RBFOX1: variants seen among roughly 807,000 people sequenced by gnomAD.
RBFOX1 encodes RNA binding fox-1 homolog 1.
RBFOX1 carries 8 observed loss-of-function variants against 57.7 expected under a neutral mutation model. That is an observed-to-expected ratio of 0.14 (90% CI 0.08 to 0.25). The LOEUF (loss-of-function observed/expected upper bound fraction) is 0.25, where lower values mean the gene tolerates loss of function less well. RBFOX1 is among the 10% of genes least tolerant of loss of function. The pLI, the probability that RBFOX1 is intolerant of heterozygous loss-of-function variation, is 1.00. For synonymous variants in RBFOX1, 326 were observed against 222.4 expected (o/e 1.47, Z -4.15); for missense variants, 611 against 548.5 (o/e 1.11, Z -1.14).
At chr16:6,091,466 G>A (rs1340175999) in intron 1 of RBFOX1, among the ~76,000 whole-genome samples, 1 of 152,066 alleles carries the variant, frequency 6.6e-6, no homozygotes, top group East Asian at 1.9e-4. Context: ...AGGGTGAGCG[G>A]TCTATATCTA....
chr16:6,874,562 C>G (rs185712255), intron 3 of RBFOX1, among the ~76,000 whole-genome samples: 2 of 147,638 alleles, frequency 1.4e-5, no homozygotes, highest in South Asian at 4.4e-4. Flanking sequence ...TTCGCAACAA[C>G]CTGGATGGAG....
intron 3 of RBFOX1, among the ~76,000 whole-genome samples, chr16:6,657,393 C>G (rs961325563): frequency 6.6e-6 from 1 of 152,154 alleles, no homozygotes; most frequent in South Asian, 2.1e-4. Flanking sequence ...GAAGCAAACG[C>G]TAATGATCCC....
intron 14 of RBFOX1, among the ~76,000 whole-genome samples, chr16:7,701,850 A>C (rs2080844484): frequency 6.6e-6 from 1 of 152,154 alleles, no homozygotes; most frequent in African/African-American, 2.4e-5. Context: ...TCCTAGATAA[A>C]CCATTGCTTT....
intron 3 of RBFOX1, among the ~76,000 whole-genome samples, chr16:6,872,534 G>C (rs2061117649): frequency 6.6e-6 from 1 of 152,088 alleles, no homozygotes; most frequent in Admixed American, 6.6e-5. Context: ...TGAAAGTCTG[G>C]TTCCTGTTTA....
chr16:5,968,315 TC>T (rs1295927367), intron 4 of RBFOX1, among the ~76,000 whole-genome samples: 1 of 151,986 alleles, frequency 6.6e-6, no homozygotes, highest in East Asian at 1.9e-4. Flanking sequence ...CATCACATGA[TC>T]CCCCCGCCTC....
At chr16:7,090,873 TCTTGACCAGCACAACCTCC>T (rs111855797) in intron 4 of RBFOX1, among the ~76,000 whole-genome samples, 38,584 of 151,826 alleles carry the variant, frequency 0.25, 5,002 homozygotes, top group East Asian at 0.36. Context: ...AGTAAAACCC[TCTTGACCAGCACAACCTCC>T]CTTGACCAGC....
chr16:7,138,492 C>T (rs1040523412), intron 4 of RBFOX1, among the ~76,000 whole-genome samples: 2 of 152,162 alleles, frequency 1.3e-5, no homozygotes, highest in Admixed American at 6.6e-5. Context: ...AATGAGCATG[C>T]ACATCTCTGC....
intron 3 of RBFOX1, among the ~76,000 whole-genome samples, chr16:6,802,289 C>T (rs1200251592): frequency 2.0e-5 from 3 of 152,072 alleles, no homozygotes. Flanking sequence ...GTTAGTGAGA[C>T]CTGATTTGCC....
At chr16:7,335,584 G>GAAAAAAAA (rs959362612) in intron 4 of RBFOX1, among the ~76,000 whole-genome samples, 11 of 74,636 alleles carry the variant, frequency 1.5e-4, no homozygotes, top group African/African-American at 1.8e-4. Context: ...CTCAGATAAA[G>GAAAAAAAA]AAAAAAAAAA....
rs116459038 is a variant in RBFOX1 at position 5,691,041 on chromosome 16, C to G, written c.318+92080C>G. Among the ~76,000 whole-genome samples, 1,050 of 152,214 alleles carry G rather than the reference C, an allele frequency of 6.9e-3. 10 individuals are homozygous for G. Among genetic ancestry groups the G allele is most frequent in the African/African-American group, 0.023 (959 of 41,530 alleles). The stretch of plus-strand genomic sequence containing the variant: ...GAACAAAATTTTGAGTACAGTGACA[C>G]AGAGATGGAAATAATATGAGCTTAT... On this transcript the variant is annotated intron_variant, in intron 3 of 19. Transcript: ENST00000641259.
chr16:5,284,792 A>G (rs7203141), intron 1 of RBFOX1, among the ~76,000 whole-genome samples: 3 of 92,228 alleles, frequency 3.3e-5, no homozygotes, highest in Non-Finnish European at 6.9e-5. Context: ...TACTTGTAGT[A>G]TACAGACCCT....
chr16:6,453,386 G>A (rs943942663), intron 2 of RBFOX1, among the ~76,000 whole-genome samples: 1 of 152,110 alleles, frequency 6.6e-6, no homozygotes, highest in Non-Finnish European at 1.5e-5. Flanking sequence ...TCCTGTGTTA[G>A]TTTGCTGAGA....
intron 4 of RBFOX1, among the ~76,000 whole-genome samples, chr16:7,489,499 G>C (rs924233688): frequency 7.5e-6 from 1 of 132,774 alleles, no homozygotes; most frequent in Non-Finnish European, 1.6e-5. Context: ...GGCTTGGAGA[G>C]AGAATTATTA....
At chr16:7,262,867 A>G (rs995011853) in intron 4 of RBFOX1, among the ~76,000 whole-genome samples, 3 of 152,256 alleles carry the variant, frequency 2.0e-5, no homozygotes, top group Non-Finnish European at 2.9e-5. Context: ...AGATAGGACA[A>G]GAGAGAAAAC....
chr16:6,281,173 T>A (rs187951109), intron 1 of RBFOX1, among the ~76,000 whole-genome samples: 336 of 152,116 alleles, frequency 2.2e-3, no homozygotes, highest in Middle Eastern at 3.4e-3. Context: ...TAATGAGATA[T>A]AAATTGATAC....
intron 3 of RBFOX1, among the ~76,000 whole-genome samples, chr16:6,928,266 T>A (rs563869717): frequency 1.3e-5 from 2 of 152,154 alleles, no homozygotes; most frequent in Non-Finnish European, 2.9e-5. Context: ...GCATCCAGAT[T>A]TTTAAAAGCT....
chr16:6,774,645 G>T (rs916891848), intron 3 of RBFOX1, among the ~76,000 whole-genome samples: 3 of 152,138 alleles, frequency 2.0e-5, no homozygotes, highest in Non-Finnish European at 2.9e-5. Context: ...AGCTATATAT[G>T]TCAGGAATAT....
At chr16:5,782,847 A>C (rs986061355) in intron 3 of RBFOX1, among the ~76,000 whole-genome samples, 2 of 152,202 alleles carry the variant, frequency 1.3e-5, no homozygotes, top group Admixed American at 6.5e-5. Flanking sequence ...GGGTATGAGA[A>C]GATGAACTGA....
At chr16:5,350,207 T>G (rs2065232556) in intron 1 of RBFOX1, among the ~76,000 whole-genome samples, 1 of 152,162 alleles carries the variant, frequency 6.6e-6, no homozygotes, top group Non-Finnish European at 1.5e-5. Context: ...GTAAGAAGGT[T>G]AGTGTGGGAG....
Sources: allele counts gnomAD v4.1 joint callset (sites outside exome capture counted in the v4.1 genomes callset), GRCh38; gene constraint gnomAD v4.1.1; transcripts MANE v1.5; gene names NCBI Gene and HGNC (gene_info 2026-07-23, HGNC 2026-07-21).